The following MAP3K5 variants were observed in gnomAD, a reference collection of about 807,000 sequenced individuals.
MAP3K5 encodes the protein mitogen-activated protein kinase kinase kinase 5.
MAP3K5 carries 56 observed loss-of-function variants against 158.7 expected under a neutral mutation model. The ratio of observed to expected loss-of-function variants is 0.35; its 90% confidence interval spans 0.28 to 0.44. The LOEUF (loss-of-function observed/expected upper bound fraction) is 0.44. Among genes scored for constraint, MAP3K5 ranks in the 20% least tolerant of loss-of-function variants. The probability of loss-of-function intolerance (pLI) is 1.00; values close to 1 mark genes in which losing one functional copy is unlikely to be tolerated. For synonymous variants in MAP3K5, 579 were observed against 601.7 expected (o/e 0.96, Z 0.55); for missense variants, 1,294 against 1,674.8 (o/e 0.77, Z 3.97).
intron 24 of MAP3K5, among the ~76,000 whole-genome samples, chr6:136,583,258 CAAAAT>C (rs1262273429): frequency 6.6e-6 from 1 of 151,996 alleles, no homozygotes; most frequent in African/African-American, 2.4e-5. Context: ...CTAAAGTTGT[CAAAAT>C]AAACAATGAC....
chr6:136,789,922 C>A (rs7761374), intron 1 of MAP3K5, among the ~76,000 whole-genome samples: 1,905 of 152,090 alleles, frequency 0.013, 51 homozygotes, highest in African/African-American at 0.044. Flanking sequence ...GAACTCCTGA[C>A]CTCAGGTGAT....
intron 1 of MAP3K5, among the ~76,000 whole-genome samples, chr6:136,744,410 A>G (rs1582627290): frequency 6.6e-6 from 1 of 151,514 alleles, no homozygotes; most frequent in African/African-American, 2.4e-5. Context: ...AGAACCCTTG[A>G]CTCTCCCATG....
intron 14 of MAP3K5, chr6:136,629,145 G>T (rs1562560682): frequency 1.3e-5 from 2 of 152,160 alleles, no homozygotes; most frequent in Non-Finnish European, 2.9e-5. Flanking sequence ...AGCGGGAAGA[G>T]AATCAGTGTA....
At chr6:136,593,097 G>A (rs1420964389) in intron 21 of MAP3K5, among the ~76,000 whole-genome samples, 1 of 152,148 alleles carries the variant, frequency 6.6e-6, no homozygotes, top group Non-Finnish European at 1.5e-5. Context: ...TTCCAATCCT[G>A]TTATACCTGA....
chr6:136,600,347 G>A (rs558567166), intron 21 of MAP3K5, among the ~76,000 whole-genome samples: 27 of 151,468 alleles, frequency 1.8e-4, no homozygotes, highest in African/African-American at 6.3e-4. Context: ...ATGCACCACC[G>A]CACCCAGCTA....
chr6:136,759,157 T>TG (rs1219850912), intron 1 of MAP3K5, among the ~76,000 whole-genome samples: 22 of 151,758 alleles, frequency 1.4e-4, no homozygotes. Flanking sequence ...GGCAACAGAG[T>TG]GAGATTGTCT....
At chr6:136,561,675 A>C in intron 27 of MAP3K5, 30 bp from the exon 28 acceptor site, 1 of 1,253,198 alleles carries the variant, frequency 8.0e-7, no homozygotes, top group Non-Finnish European at 1.2e-6. Flanking sequence ...AGATATTCTT[A>C]ATTTCACCTA....
chr6:136,766,585 C>T (rs1031557173), intron 1 of MAP3K5, among the ~76,000 whole-genome samples: 18 of 152,142 alleles, frequency 1.2e-4, no homozygotes, highest in Non-Finnish European at 1.2e-4. Flanking sequence ...TCAGAATTTG[C>T]GGTTGGGAAC....
At chr6:136,679,965 T>A (rs1457352096) in intron 7 of MAP3K5, among the ~76,000 whole-genome samples, 2 of 152,068 alleles carry the variant, frequency 1.3e-5, no homozygotes, top group African/African-American at 4.8e-5. Flanking sequence ...CAATTATTAT[T>A]CAACCTTACA....
chr6:136,787,412 C>T (rs745402847), intron 1 of MAP3K5, among the ~76,000 whole-genome samples: 8 of 152,168 alleles, frequency 5.3e-5, no homozygotes, highest in Admixed American at 3.3e-4. Flanking sequence ...TTAATCTCTA[C>T]GAGCTGAAAT....
At chr6:136,582,926 T>C (rs1427123373) in intron 24 of MAP3K5, among the ~76,000 whole-genome samples, 2 of 152,182 alleles carry the variant, frequency 1.3e-5, no homozygotes, top group Non-Finnish European at 2.9e-5. Flanking sequence ...TACAGAAGAC[T>C]GGCTTTAGTT....
At chr6:136,777,046 T>C (rs1251674006) in intron 1 of MAP3K5, among the ~76,000 whole-genome samples, 2 of 152,218 alleles carry the variant, frequency 1.3e-5, no homozygotes, top group Non-Finnish European at 2.9e-5. Flanking sequence ...TATTTCAGAT[T>C]TACCAACTGC....
At chr6:136,676,884 T>A (rs1208435530) in intron 7 of MAP3K5, among the ~76,000 whole-genome samples, 2 of 150,424 alleles carry the variant, frequency 1.3e-5, no homozygotes. Context: ...CTCCGCCTCC[T>A]GGGTTCAAGT....
chr6:136,703,918 G>A (rs575517340), intron 3 of MAP3K5, among the ~76,000 whole-genome samples: 6 of 152,226 alleles, frequency 3.9e-5, no homozygotes, highest in South Asian at 4.1e-4. Flanking sequence ...TCTTCACTCC[G>A]AGTTGCAGAG....
chr6:136,697,328 C>T lies in MAP3K5; in HGVS notation c.866G>A (p.Gly289Asp). The T allele has an allele frequency of 1.2e-6, 2 of 1,613,664 alleles. No individual in the cohort carries two copies. Among genetic ancestry groups the T allele is most frequent in the Non-Finnish European group, 1.7e-6 (2 of 1,179,750 alleles). The part of the protein sequence containing the change: ...DIRKARNLYT[G>D]KELAAELARI... Reference sequence around the variant, plus strand: ...TGCCAACTCAGCTGCCAATTCTTTACCAGTGTATAAATTACGAGCTTTCCT... The same window carrying T: ...TGCCAACTCAGCTGCCAATTCTTTATCAGTGTATAAATTACGAGCTTTCCT... The change falls in exon 5 of 30, where the codon GGT becomes GAT. Residue 289 changes from glycine to aspartate, a missense_variant. By Grantham distance (94) the Gly-to-Asp change is moderately conservative (BLOSUM62 -1). Around this residue, in one of 5 missense-constraint regions of MAP3K5, gnomAD observed 690 missense variants for 870.5 expected, o/e 0.79. Transcript: ENST00000359015.
chr6:136,580,635 G>A (rs975750503), intron 24 of MAP3K5, among the ~76,000 whole-genome samples: 6 of 152,120 alleles, frequency 3.9e-5, no homozygotes, highest in Admixed American at 3.9e-4. Context: ...AGGCAGTCTG[G>A]TTCAAATGAG....
intron 25 of MAP3K5, among the ~76,000 whole-genome samples, chr6:136,571,645 T>C (rs1774372822): frequency 6.6e-6 from 1 of 152,232 alleles, no homozygotes; most frequent in South Asian, 2.1e-4. Flanking sequence ...TGTTTATCCA[T>C]TCATCTGTTG....
At position 136,639,533 on chromosome 6, in the gene MAP3K5, T is replaced by G. The variant is rs1166496077; in HGVS notation, c.1934+10A>C. On this transcript the variant is annotated intron_variant, in intron 13 of 29. Coordinates refer to ENST00000359015, the MANE Select transcript of MAP3K5 (RefSeq NM_005923.4). ...AAGAATCTTTTTCACACACAATGAC[T>G]AATACGTACTTTTTACAATGAAGTT... The G allele has an allele frequency of 6.8e-7, 1 of 1,461,694 alleles. No homozygotes were observed. The highest frequency in any genetic ancestry group is 1.9e-5 in the Admixed American group (1 of 52,996). 90.5% of individuals were successfully genotyped at this position (1,461,694 alleles called of 1,614,324 possible).
chr6:136,576,350 C>T (rs1774615529), intron 25 of MAP3K5, among the ~76,000 whole-genome samples: 3 of 152,060 alleles, frequency 2.0e-5, no homozygotes, highest in Admixed American at 1.3e-4. Flanking sequence ...CTCGCTCTGT[C>T]GCTCAAGCTG....
Sources: allele counts gnomAD v4.1 joint callset (sites outside exome capture counted in the v4.1 genomes callset), GRCh38; gene constraint gnomAD v4.1.1; regional missense constraint gnomAD v4.1.1; transcripts MANE v1.5; gene names NCBI Gene and HGNC (gene_info 2026-07-23, HGNC 2026-07-21).